Variants in ELOVL7 observed in about 807,000 individuals in gnomAD.
ELOVL7 encodes ELOVL fatty acid elongase 7.
ELOVL7 carries 27 observed loss-of-function variants against 35.7 expected under a neutral mutation model. The ratio of observed to expected loss-of-function variants is 0.76; its 90% CI spans 0.56 to 1.04. The LOEUF (loss-of-function observed/expected upper bound fraction) is 1.04, where lower values mean the gene tolerates loss of function less well. ELOVL7 is among the 50% of genes least tolerant of loss of function. The probability of loss-of-function intolerance (pLI) is 0.00; values close to 1 mark genes in which losing one functional copy is unlikely to be tolerated. For synonymous variants in ELOVL7, 113 were observed against 114.6 expected (o/e 0.99, Z 0.09); for missense variants, 327 against 340.8 (o/e 0.96, Z 0.32).
intron 8 of ELOVL7, among the ~76,000 whole-genome samples, chr5:60,755,058 G>C (rs574116262): frequency 2.0e-4 from 30 of 152,172 alleles, no homozygotes; most frequent in African/African-American, 6.7e-4. Context: ...CAACCGCAGG[G>C]TCTATATTTA....
At chr5:60,824,313 C>A (rs764190645) in intron 1 of ELOVL7, among the ~76,000 whole-genome samples, 1 of 152,082 alleles carries the variant, frequency 6.6e-6, no homozygotes, top group Non-Finnish European at 1.5e-5. Context: ...ACTTTAAGGC[C>A]GCTCACAAGT....
At chr5:60,822,313 A>G (rs1745936033) in intron 1 of ELOVL7, among the ~76,000 whole-genome samples, 1 of 152,222 alleles carries the variant, frequency 6.6e-6, no homozygotes, top group African/African-American at 2.4e-5. Flanking sequence ...CGATATGTAA[A>G]AGAGCTCAAC....
intron 1 of ELOVL7, among the ~76,000 whole-genome samples, chr5:60,843,143 T>A (rs925544516): frequency 6.6e-6 from 1 of 151,302 alleles, no homozygotes; most frequent in Non-Finnish European, 1.5e-5. Context: ...CGAGGGGAGA[T>A]CGTAGCAAGA....
chr5:60,759,555 G>A (rs926812599), intron 7 of ELOVL7, among the ~76,000 whole-genome samples: 3 of 150,966 alleles, frequency 2.0e-5, no homozygotes, highest in African/African-American at 7.3e-5. Context: ...CTATGTCAGA[G>A]CTTTTCTAAC....
At chr5:60,799,534 A>T (rs530529311) in intron 1 of ELOVL7, among the ~76,000 whole-genome samples, 14 of 152,326 alleles carry the variant, frequency 9.2e-5, no homozygotes, top group Non-Finnish European at 1.8e-4. Context: ...GGATCATAAG[A>T]ACTACTGTGA....
chr5:60,768,784 C>T lies in ELOVL7; in HGVS notation c.256-881G>A, dbSNP rs189362039. 7.3e-4 allele frequency: 309 copies of T among 421,928 alleles called. 2 individuals are homozygous for T. In the African/African-American group the frequency reaches 7.4e-3, roughly 10 times the overall value. 26.1% of individuals were successfully genotyped at this position (421,928 alleles called of 1,614,324 possible). A position where few individuals can be genotyped will look rare whatever the true frequency, so the allele number is the denominator to read the frequency against. On this transcript the variant is annotated intron_variant, in intron 4 of 8. Transcript: ENST00000508821. ...GGCACTGACAATATGATCAGTTCTTCTCATACATGCCAAATACCCCCTGGG... is the reference window on the plus strand; with the variant it reads ...GGCACTGACAATATGATCAGTTCTTTTCATACATGCCAAATACCCCCTGGG...
chr5:60,769,532 A>G (rs1419646397), intron 4 of ELOVL7, among the ~76,000 whole-genome samples: 2 of 152,088 alleles, frequency 1.3e-5, no homozygotes, highest in Non-Finnish European at 2.9e-5. Context: ...TTCCCTTTCA[A>G]CTTCTTCAGA....
chr5:60,766,797 C>A (rs2169255), intron 5 of ELOVL7, among the ~76,000 whole-genome samples, 167 bp from the exon 6 acceptor site: 28,930 of 152,102 alleles, frequency 0.19, 5,013 homozygotes, highest in African/African-American at 0.46. Context: ...ACCATTACCA[C>A]CATCCATCCA....
Position 60,752,490 on chromosome 5 carries a change from G to A in ELOVL7, c.*2134C>T, listed in dbSNP as rs1239316486. 2 of 152,552 alleles carry A rather than the reference G, an allele frequency of 1.3e-5. No individual in the cohort carries two copies. The highest frequency in any genetic ancestry group is 6.5e-5 in the Admixed American group (1 of 15,278). The allele number at this position is 152,552 out of a possible 1,614,324, so 9.4% of individuals were successfully genotyped here. A position where few individuals can be genotyped will look rare whatever the true frequency, so the allele number is the denominator to read the frequency against. On this transcript the variant is annotated 3_prime_UTR_variant, in exon 9 of 9. Coordinates refer to ENST00000508821, the MANE Select transcript of ELOVL7 (RefSeq NM_024930.3). ...ACTACTTGGGTTCTTTGGAAATGGT[G>A]TGATTTCTAACAGCACCTAGCATAC...
chr5:60,825,484 C>T (rs1746117385), intron 1 of ELOVL7, among the ~76,000 whole-genome samples: 1 of 152,212 alleles, frequency 6.6e-6, no homozygotes, highest in African/African-American at 2.4e-5. Flanking sequence ...CCGTCTGGCC[C>T]TCTCTGCCCC....
At chr5:60,760,248 C>G (rs1305153674) in intron 7 of ELOVL7, among the ~76,000 whole-genome samples, 1 of 152,194 alleles carries the variant, frequency 6.6e-6, no homozygotes, top group African/African-American at 2.4e-5. Context: ...AGTTTACAGT[C>G]CCACCAACAG....
chr5:60,769,872 A>G (rs994107976), intron 4 of ELOVL7, among the ~76,000 whole-genome samples: 2 of 152,134 alleles, frequency 1.3e-5, no homozygotes, highest in Admixed American at 6.5e-5. Flanking sequence ...AAACATGGCA[A>G]AACACCATCT....
chr5:60,839,471 T>C (rs1747032579), intron 1 of ELOVL7, among the ~76,000 whole-genome samples: 1 of 152,240 alleles, frequency 6.6e-6, no homozygotes. Flanking sequence ...AAATTTCAAA[T>C]TTTTTCAAAG....
intron 7 of ELOVL7, among the ~76,000 whole-genome samples, chr5:60,762,299 CA>C (rs3030130): frequency 0.023 from 1,815 of 79,514 alleles, 15 homozygotes; most frequent in Middle Eastern, 0.051. Context: ...AACTCTGCCT[CA>C]AAAAAAAAAA....
intron 2 of ELOVL7, among the ~76,000 whole-genome samples, chr5:60,787,888 T>G (rs780480154): frequency 6.6e-6 from 1 of 152,328 alleles, no homozygotes; most frequent in East Asian, 1.9e-4. Context: ...GTCATCTATA[T>G]GCAAATTTTT....
intron 7 of ELOVL7, among the ~76,000 whole-genome samples, chr5:60,763,324 A>G (rs1479603058): frequency 2.0e-5 from 3 of 152,118 alleles, no homozygotes; most frequent in African/African-American, 7.2e-5. Flanking sequence ...ATGCTCTGAG[A>G]CATGTAGATA....
At chr5:60,800,524 TA>T (rs1744545816) in intron 1 of ELOVL7, among the ~76,000 whole-genome samples, 1 of 152,222 alleles carries the variant, frequency 6.6e-6, no homozygotes. Context: ...TACTCAGCAG[TA>T]AAGAGTTGAA....
intron 1 of ELOVL7, among the ~76,000 whole-genome samples, chr5:60,840,567 GT>G (rs958633566): frequency 6.6e-6 from 1 of 152,180 alleles, no homozygotes; most frequent in African/African-American, 2.4e-5. Context: ...AAGCTACCCA[GT>G]TGGTGGTACT....
intron 7 of ELOVL7, among the ~76,000 whole-genome samples, chr5:60,762,391 T>C (rs779831117): frequency 1.3e-5 from 2 of 151,528 alleles, no homozygotes; most frequent in Non-Finnish European, 2.9e-5. Context: ...GAAACTACAC[T>C]ATCAATGAAC....
Sources: allele counts gnomAD v4.1 joint callset (sites outside exome capture counted in the v4.1 genomes callset), GRCh38; gene constraint gnomAD v4.1.1; transcripts MANE v1.5; gene names NCBI Gene and HGNC (gene_info 2026-07-23, HGNC 2026-07-21).